Variants in KIAA0825 observed in about 807,000 individuals in gnomAD.
KIAA0825 encodes the protein uncharacterized protein KIAA0825.
KIAA0825 carries 119 observed loss-of-function variants against 147.6 expected under a neutral mutation model. The ratio of observed to expected loss-of-function variants is 0.81; its 90% CI spans 0.69 to 0.94. KIAA0825 has a LOEUF of 0.94. Among genes scored for constraint, KIAA0825 ranks in the 40% least tolerant of loss-of-function variants. KIAA0825 has a pLI of 0.00. For synonymous variants in KIAA0825, 470 were observed against 518.1 expected (o/e 0.91, Z 1.26); for missense variants, 1,381 against 1,472.7 (o/e 0.94, Z 1.02).
At position 94,396,329 on chromosome 5, in the gene KIAA0825, C is replaced by T. The variant is rs1750647798; in HGVS notation, c.3068G>A (p.Cys1023Tyr). ...AGTGTTTCCGTCCTCAAATATCCGACATATAATTACAATCAAGTTCCAGAC... is the reference window on the plus strand; with the variant it reads ...AGTGTTTCCGTCCTCAAATATCCGATATATAATTACAATCAAGTTCCAGAC... ...LLVWNLIVII[C>Y]RIFEDGNTVE... Residue 1023 changes from cysteine (C) to tyrosine (Y), a missense_variant, in exon 17 of 21, where the codon TGT becomes TAT. Transcript: ENST00000682413. 5 of 1,550,552 alleles carry T rather than the reference C, an allele frequency of 3.2e-6. No individual in the cohort carries two copies. In the East Asian group the frequency reaches 9.8e-5, roughly 30 times the overall value.
At chr5:94,195,092 A>G (rs181911623) in intron 20 of KIAA0825, among the ~76,000 whole-genome samples, 1 of 152,298 alleles carries the variant, frequency 6.6e-6, no homozygotes, top group Admixed American at 6.5e-5. Flanking sequence ...ATTCTTACCC[A>G]CTTCTGTCTG....
intron 20 of KIAA0825, among the ~76,000 whole-genome samples, chr5:94,337,852 G>A (rs777514429): frequency 4.6e-5 from 7 of 152,198 alleles, no homozygotes; most frequent in Non-Finnish European, 1.0e-4. Context: ...TTCATTCTAA[G>A]TGCTTTTGAA....
At chr5:94,553,439 TA>T (rs1210932899) in intron 2 of KIAA0825, among the ~76,000 whole-genome samples, 85 of 107,752 alleles carry the variant, frequency 7.9e-4, no homozygotes, top group Non-Finnish European at 8.7e-4. Context: ...AAACTCCATC[TA>T]AAAAAAAAAA....
intron 20 of KIAA0825, among the ~76,000 whole-genome samples, chr5:94,332,048 G>A (rs933175895): frequency 1.3e-5 from 2 of 151,386 alleles, no homozygotes; most frequent in African/African-American, 2.4e-5. Flanking sequence ...TATAATCCCA[G>A]CTACTTGGGA....
At chr5:94,360,698 G>C (rs543732510) in intron 20 of KIAA0825, among the ~76,000 whole-genome samples, 17 of 152,300 alleles carry the variant, frequency 1.1e-4, no homozygotes, top group African/African-American at 3.6e-4. Context: ...TTCAGTACTG[G>C]AAATTGCCCA....
chr5:94,471,334 TG>T, intron 9 of KIAA0825, 131 bp downstream of exon 9: 2 of 993,600 alleles, frequency 2.0e-6, no homozygotes, highest in Non-Finnish European at 2.9e-6. Context: ...TTAAGACAAA[TG>T]AAAATAATTC....
At chr5:94,166,152 A>G (rs969389353) in intron 20 of KIAA0825, among the ~76,000 whole-genome samples, 26 of 152,204 alleles carry the variant, frequency 1.7e-4, no homozygotes, top group African/African-American at 6.3e-4. Context: ...CACAAAAATT[A>G]AAAAACAAAA....
intron 2 of KIAA0825, among the ~76,000 whole-genome samples, chr5:94,571,482 C>T (rs1282444769): frequency 6.6e-6 from 1 of 152,154 alleles, no homozygotes; most frequent in Admixed American, 6.6e-5. Flanking sequence ...CACACATGCA[C>T]AAGAAAACTT....
chr5:94,303,719 A>G (rs1462609323), intron 20 of KIAA0825, among the ~76,000 whole-genome samples: 1 of 152,092 alleles, frequency 6.6e-6, no homozygotes, highest in East Asian at 1.9e-4. Context: ...TTCTAACATA[A>G]TTAGTAAACG....
chr5:94,316,166 A>T (rs1398063777), intron 20 of KIAA0825, among the ~76,000 whole-genome samples: 1 of 151,646 alleles, frequency 6.6e-6, no homozygotes, highest in Non-Finnish European at 1.5e-5. Context: ...ATATATTTTT[A>T]AAAAGTTTGT....
At chr5:94,283,305 A>G (rs1422286468) in intron 20 of KIAA0825, among the ~76,000 whole-genome samples, 1 of 152,130 alleles carries the variant, frequency 6.6e-6, no homozygotes, top group Non-Finnish European at 1.5e-5. Flanking sequence ...TGAGGTATGT[A>G]GAGCTTAAGT....
intron 9 of KIAA0825, among the ~76,000 whole-genome samples, chr5:94,471,203 C>T (rs969670298): frequency 2.0e-5 from 3 of 151,990 alleles, no homozygotes; most frequent in Non-Finnish European, 2.9e-5. Flanking sequence ...AAAATAGTTG[C>T]GCTGGGTTAG....
intron 20 of KIAA0825, among the ~76,000 whole-genome samples, chr5:94,281,685 C>T (rs1382252551): frequency 2.0e-5 from 3 of 152,080 alleles, no homozygotes; most frequent in Non-Finnish European, 4.4e-5. Context: ...CAGTAGCAAC[C>T]CCTCCTCTTC....
intron 15 of KIAA0825, among the ~76,000 whole-genome samples, chr5:94,404,457 TCTTTC>T (rs1751788703): frequency 1.4e-5 from 2 of 147,226 alleles, no homozygotes; most frequent in Non-Finnish European, 3.0e-5. Context: ...CTTCTTTCCT[TCTTTC>T]CTTTCTTCCT....
chr5:94,480,391 C>G (rs1409068236), intron 6 of KIAA0825, among the ~76,000 whole-genome samples: 1 of 151,908 alleles, frequency 6.6e-6, no homozygotes, highest in Non-Finnish European at 1.5e-5. Context: ...TAAAAGTTTT[C>G]AGTTTTTTAG....
rs150240754 is a variant in KIAA0825, at chr5:94,188,062, C to T, written c.3711-33938G>A. On this transcript the variant is annotated intron_variant, in intron 20 of 20. Coordinates refer to ENST00000682413, the MANE Select transcript of KIAA0825 (RefSeq NM_001145678.3). ...CCCAGAGAGATTTCTCATCCTCTTT[C>T]CACCATGGGAGGAGATCACAATGAG... Among the ~76,000 whole-genome samples, 13 of 152,278 alleles carry T rather than the reference C, an allele frequency of 8.5e-5. No individual in the cohort carries two copies. In the East Asian group the frequency reaches 2.5e-3, roughly 29 times the overall value.
At chr5:94,170,872 C>T (rs1768547550) in intron 20 of KIAA0825, among the ~76,000 whole-genome samples, 1 of 152,174 alleles carries the variant, frequency 6.6e-6, no homozygotes, top group Non-Finnish European at 1.5e-5. Flanking sequence ...CTGAATTTTA[C>T]ATGGAATGTG....
At position 94,440,098 on chromosome 5, in the gene KIAA0825, T is replaced by C; in HGVS notation, c.2381A>G (p.Lys794Arg). The change falls in exon 14 of 21, where the codon AAA becomes AGA. Residue 794 changes from lysine to arginine, a missense_variant. Transcript: ENST00000682413. Reference sequence around the variant, plus strand: ...GAGCAGTTTCAACTGACCCTCGGCTTTCAGTCCTCCAGCTGATGGAGTCCT... The same window carrying C: ...GAGCAGTTTCAACTGACCCTCGGCTCTCAGTCCTCCAGCTGATGGAGTCCT... The part of the protein sequence containing the change: ...LLRTPSAGGL[K>R]AEGQLKLLLS... 1 of 1,551,396 alleles carries C rather than the reference T, an allele frequency of 6.4e-7. No homozygotes were observed. Among genetic ancestry groups the C allele is most frequent in the Non-Finnish European group, 8.7e-7 (1 of 1,146,756 alleles).
intron 20 of KIAA0825, among the ~76,000 whole-genome samples, chr5:94,364,539 G>A (rs535806758): frequency 2.0e-5 from 3 of 151,946 alleles, no homozygotes; most frequent in East Asian, 1.9e-4. Flanking sequence ...CTGACACCAC[G>A]CCCGGCTAAT....
Sources: gnomAD v4.1 joint callset for allele counts (sites outside exome capture counted in the v4.1 genomes callset) on GRCh38, gnomAD v4.1.1 for gene constraint, MANE v1.5 for transcripts, NCBI Gene and HGNC (gene_info 2026-07-23, HGNC 2026-07-21) for gene names.